UBE2O: variants seen among roughly 807,000 people sequenced by gnomAD.
The protein encoded by UBE2O is (E3-independent) E2 ubiquitin-conjugating enzyme.
UBE2O carries 15 observed loss-of-function variants against 125.8 expected under a neutral mutation model. The observed-to-expected ratio is 0.12, with a 90% CI of 0.08 to 0.18. The LOEUF (loss-of-function observed/expected upper bound fraction) is 0.18. Ranked by LOEUF, UBE2O falls within the 10% of genes least tolerant of loss-of-function variation. The pLI, the probability that UBE2O is intolerant of heterozygous loss-of-function variation, is 1.00. For missense variants in UBE2O, 1,280 were observed against 1,723.6 expected, an observed-to-expected ratio of 0.74 and a Z score of 4.56; for synonymous variants, 708 against 703.2, an observed-to-expected ratio of 1.01 and a Z score of -0.11.
chr17:76,449,586 C>G (rs1372353034), intron 1 of UBE2O, among the ~76,000 whole-genome samples: 1 of 151,322 alleles, frequency 6.6e-6, no homozygotes, highest in African/African-American at 2.4e-5. Flanking sequence ...AAAAGAAACT[C>G]ACACACAAAA....
At chr17:76,420,287 C>G (rs1235772910) in intron 1 of UBE2O, among the ~76,000 whole-genome samples, 1 of 152,072 alleles carries the variant, frequency 6.6e-6, no homozygotes, top group Non-Finnish European at 1.5e-5. Flanking sequence ...GATCCAAGGC[C>G]AGTTGTTTCC....
At position 76,419,283 on chromosome 17, in the gene UBE2O, CAAAAAAAAAAAA is replaced by C. The variant is rs35062714; in HGVS notation, c.418-13723_418-13712del. On this transcript the variant is annotated intron_variant, in intron 1 of 17. Coordinates refer to ENST00000319380, the MANE Select transcript of UBE2O (RefSeq NM_022066.4). The stretch of plus-strand genomic sequence containing the variant: ...TGGGTGACAGAGTAAGACCCTATCT[CAAAAAAAAAAAA>C]AAAAAAAAAAAAATCCCTTTCTCCT... 3.6e-4 allele frequency among the ~76,000 whole-genome samples: 23 copies of C among 63,284 alleles called. No homozygotes were observed. In the East Asian group the frequency reaches 8.8e-3, roughly 24 times the overall value. 41.5% of individuals were successfully genotyped at this position (63,284 alleles called of 152,430 possible).
At chr17:76,415,859 ATACATACATGTATATACAAATATATG>A (rs1292779470) in intron 1 of UBE2O, among the ~76,000 whole-genome samples, 2 of 151,770 alleles carry the variant, frequency 1.3e-5, no homozygotes, top group Admixed American at 6.6e-5. Context: ...ACAAATATAT[ATACATACATGTATATACAAATATATG>A]TACATACACG....
intron 1 of UBE2O, among the ~76,000 whole-genome samples, chr17:76,429,965 A>G (rs2072877764): frequency 6.6e-6 from 1 of 152,186 alleles, no homozygotes; most frequent in Non-Finnish European, 1.5e-5. Flanking sequence ...ATTCAAAGAG[A>G]TGACTTGGGA....
chr17:76,450,187 C>G (rs1288531969), intron 1 of UBE2O, among the ~76,000 whole-genome samples: 1 of 151,984 alleles, frequency 6.6e-6, no homozygotes, highest in Non-Finnish European at 1.5e-5. Flanking sequence ...TCCTTTACGG[C>G]ATACTATCAC....
Position 76,405,745 on chromosome 17 carries a change from C to A in UBE2O, c.418-173G>T, listed in dbSNP as rs540490382. Reference sequence around the variant, plus strand: ...CACACACCTCCGACCAGCACCCAGACCCACAGGCAGAGCGCGTCACGCCCA... The same window carrying A: ...CACACACCTCCGACCAGCACCCAGAACCACAGGCAGAGCGCGTCACGCCCA... On this transcript the variant is annotated intron_variant, in intron 1 of 17. Transcript: ENST00000319380. This position sits in a 1 kb window ranked among gnomAD's most constrained non-coding sequence, Gnocchi z 6.1. Among the ~76,000 whole-genome samples the A allele has an allele frequency of 6.6e-6, 1 of 152,230 alleles. No individual in the cohort carries two copies. The highest frequency in any genetic ancestry group is 1.5e-5 in the Non-Finnish European group (1 of 68,044).
chr17:76,391,413 G>C lies in UBE2O; in HGVS notation c.3409C>G (p.Arg1137Gly). 6.2e-7 allele frequency: 1 copy of C among 1,613,576 alleles called. No homozygotes were observed. Among genetic ancestry groups the C allele is most frequent in the South Asian group, 1.1e-5 (1 of 91,082 alleles). ...IRQHFSTGGW[R>G]LVNRIESWLE... Reference sequence around the variant, plus strand: ...CAGGACTCGATACGGTTCACCAGCCGCCAGCCACCAGTGCTAAAGTGTTGC... The same window carrying C: ...CAGGACTCGATACGGTTCACCAGCCCCCAGCCACCAGTGCTAAAGTGTTGC... The change falls in exon 18 of 18, where the codon CGG becomes GGG. Residue 1137 changes from arginine to glycine, a missense_variant. By Grantham distance (125) the Arg-to-Gly change is moderately radical. Around this residue, in one of 10 missense-constraint regions of UBE2O, gnomAD observed 233 missense variants for 279.0 expected, o/e 0.84. Coordinates refer to ENST00000319380, the MANE Select transcript of UBE2O (RefSeq NM_022066.4). This position sits in a 1 kb window ranked among gnomAD's most constrained non-coding sequence, Gnocchi z 8.4.
chr17:76,395,884 C>G lies in UBE2O; in HGVS notation c.2810-23G>C, dbSNP rs2072198645. The G allele has an allele frequency of 6.2e-7, 1 of 1,613,852 alleles. No homozygotes were observed. Among genetic ancestry groups the G allele is most frequent in the South Asian group, 1.1e-5 (1 of 91,070 alleles). ...TTGCTAGAGGGGGGAAGAGAATAGT[C>G]AGTCCCTCATGGAGAGGCCCTGGAG... On this transcript the variant is annotated intron_variant, in intron 14 of 17. Transcript: ENST00000319380. The surrounding 1 kb of genome is among the most constrained non-coding windows in gnomAD (Gnocchi z 5.0).
intron 1 of UBE2O, among the ~76,000 whole-genome samples, chr17:76,434,666 A>G (rs1395556718): frequency 2.0e-5 from 3 of 152,008 alleles, no homozygotes; most frequent in Non-Finnish European, 2.9e-5. Flanking sequence ...CAAGGAGCTC[A>G]GAGTGGTCCC....
chr17:76,412,392 C>A (rs77143592), intron 1 of UBE2O, among the ~76,000 whole-genome samples: 1 of 152,180 alleles, frequency 6.6e-6, no homozygotes, highest in African/African-American at 2.4e-5. Flanking sequence ...TCCTCCACCC[C>A]CTCCCTGACC....
At chr17:76,424,650 G>A (rs915515266) in intron 1 of UBE2O, among the ~76,000 whole-genome samples, 35 of 152,138 alleles carry the variant, frequency 2.3e-4, no homozygotes, top group African/African-American at 7.0e-4. Flanking sequence ...CAAGGTGGGA[G>A]GATTGCTTGA....
intron 1 of UBE2O, among the ~76,000 whole-genome samples, chr17:76,441,242 ATC>A (rs2073071913): frequency 6.6e-6 from 1 of 152,222 alleles, no homozygotes; most frequent in Non-Finnish European, 1.5e-5. Flanking sequence ...ATGCTGAATA[ATC>A]ATTCTCCTCT....
chr17:76,398,188 C>A lies in UBE2O; in HGVS notation c.2025+67G>T. 6.2e-7 allele frequency: 1 copy of A among 1,605,700 alleles called. No homozygotes were observed. Among genetic ancestry groups the A allele is most frequent in the Non-Finnish European group, 8.5e-7 (1 of 1,174,224 alleles). ...GTCTCCTAGAGCCACCTGGTGGCAG[C>A]ATCAGGGACTGCAGCTGGTGCACAG... On this transcript the variant is annotated intron_variant, in intron 12 of 17. Transcript: ENST00000319380. This position sits in a 1 kb window ranked among gnomAD's most constrained non-coding sequence, Gnocchi z 5.4.
intron 1 of UBE2O, among the ~76,000 whole-genome samples, chr17:76,409,260 G>A (rs962628986): frequency 1.3e-5 from 2 of 149,158 alleles, no homozygotes; most frequent in African/African-American, 4.9e-5. Context: ...GAGCCACCGC[G>A]CCCAGCCTAT....
chr17:76,453,118 C>A lies in UBE2O; in HGVS notation c.24G>T (p.Thr8=). The change falls in exon 1 of 18, where the codon ACG becomes ACT. Residue 8 remains threonine (T), a synonymous_variant. Coordinates refer to ENST00000319380, the MANE Select transcript of UBE2O (RefSeq NM_022066.4). ...CCTGGGCTGGAGCGGGAGCTGCGGGCGTGGGGGCTGCGGGATCCGCCATAA... is the reference window on the plus strand; with the variant it reads ...CCTGGGCTGGAGCGGGAGCTGCGGGAGTGGGGGCTGCGGGATCCGCCATAA... MADPAAP[T]PAAPAPAQAP... 1.3e-6 allele frequency: 1 copy of A among 787,698 alleles called. No homozygotes were observed. The highest frequency in any genetic ancestry group is 3.4e-5 in the East Asian group (1 of 29,002). The allele number at this position is 787,698 out of a possible 1,614,324, so 48.8% of individuals were successfully genotyped here. A position where few individuals can be genotyped will look rare whatever the true frequency, so the allele number is the denominator to read the frequency against.
At position 76,452,828 on chromosome 17, in the gene UBE2O, C is replaced by G. The variant is rs765458710; in HGVS notation, c.314G>C (p.Gly105Ala). ...GRGSSGCSEA[G>A]GAGHEEGRAS... ...CCGGCCCTCCTCGTGGCCCGCGCCC[C>G]CGGCCTCGGAGCACCCCGAGCTCCC... is the stretch of plus-strand genomic sequence containing the variant. Residue 105 changes from glycine to alanine, a missense_variant, in exon 1 of 18, where the codon GGG (glycine) becomes GCG (alanine). Gly to Ala is a moderately conservative substitution (Grantham distance 60). Transcript: ENST00000319380. The surrounding 1 kb of genome is among the most constrained non-coding windows in gnomAD (Gnocchi z 4.4). 3 of 1,505,782 alleles carry G rather than the reference C, an allele frequency of 2.0e-6. No individual in the cohort carries two copies. The highest frequency in any genetic ancestry group is 2.5e-5 in the South Asian group (2 of 79,760). The allele number at this position is 1,505,782 out of a possible 1,614,324, so 93.3% of individuals were successfully genotyped here. A position where few individuals can be genotyped will look rare whatever the true frequency, so the allele number is the denominator to read the frequency against.
intron 1 of UBE2O, among the ~76,000 whole-genome samples, chr17:76,449,411 C>G (rs533323560): frequency 1.3e-5 from 2 of 152,172 alleles, no homozygotes; most frequent in African/African-American, 4.8e-5. Context: ...GCCGTCTCTA[C>G]TAAAAATACA....
In UBE2O at chr17:76,450,478, C is replaced by T. The variant is rs896719344; in HGVS notation, c.417+2247G>A. ...TTCCACCACTTCCTTGGAATTTCTG[C>T]GTCCCTTGGCTTTTGCTAAACCCAG... On this transcript the variant is annotated intron_variant, in intron 1 of 17. Coordinates refer to ENST00000319380, the MANE Select transcript of UBE2O (RefSeq NM_022066.4). Among the ~76,000 whole-genome samples the T allele has an allele frequency of 5.3e-5, 8 of 152,252 alleles. No individual in the cohort carries two copies. In the East Asian group the frequency reaches 1.5e-3, roughly 29 times the overall value.
At chr17:76,415,275 A>G (rs2143774587) in intron 1 of UBE2O, among the ~76,000 whole-genome samples, 1 of 152,128 alleles carries the variant, frequency 6.6e-6, no homozygotes. Context: ...CCAGGAAAGA[A>G]CCCCACGTGC....
Sources: gnomAD v4.1 joint callset for allele counts (sites outside exome capture counted in the v4.1 genomes callset) on GRCh38, gnomAD v4.1.1 for gene constraint, gnomAD v4.1.1 regional missense constraint, Gnocchi (gnomAD v3.1) non-coding constraint, MANE v1.5 for transcripts, NCBI Gene and HGNC (gene_info 2026-07-23, HGNC 2026-07-21) for gene names.